The following MMP16 variants were observed in gnomAD, a reference collection of about 807,000 sequenced individuals.
MMP16 encodes the protein matrix metalloproteinase-16.
MMP16 carries 12 observed loss-of-function variants against 67.8 expected under a neutral mutation model. The observed-to-expected ratio is 0.18, with a 90% confidence interval of 0.11 to 0.29. The LOEUF is 0.29. MMP16 is among the 10% of genes least tolerant of loss of function. MMP16 has a pLI of 1.00. For synonymous variants in MMP16, 249 were observed against 255.9 expected (o/e 0.97, Z 0.26); for missense variants, 475 against 765.7 (o/e 0.62, Z 4.48).
At chr8:88,197,765 C>T (rs536655329) in intron 1 of MMP16, among the ~76,000 whole-genome samples, 19 of 152,284 alleles carry the variant, frequency 1.2e-4, no homozygotes, top group Admixed American at 9.8e-4. Flanking sequence ...GTGACTCCAG[C>T]TATGACGTGT....
chr8:88,246,665 C>A (rs922189821), intron 1 of MMP16, among the ~76,000 whole-genome samples: 4 of 152,052 alleles, frequency 2.6e-5, no homozygotes, highest in Non-Finnish European at 2.9e-5. Flanking sequence ...TCATGTACTC[C>A]AGACATTTTT....
chr8:88,227,619 CT>C (rs1163040678), intron 1 of MMP16, among the ~76,000 whole-genome samples: 2 of 152,022 alleles, frequency 1.3e-5, no homozygotes, highest in East Asian at 3.9e-4. Flanking sequence ...TGGCCAGCTC[CT>C]TTTTCAGGCA....
chr8:88,144,290 A>AT (rs1455648698), intron 4 of MMP16, among the ~76,000 whole-genome samples: 1 of 151,998 alleles, frequency 6.6e-6, no homozygotes, highest in Admixed American at 6.5e-5. Context: ...ACAAAATTAA[A>AT]TTTTTTAGGT....
At chr8:88,225,876 T>C (rs1809761328) in intron 1 of MMP16, among the ~76,000 whole-genome samples, 3 of 152,028 alleles carry the variant, frequency 2.0e-5, no homozygotes, top group Admixed American at 6.6e-5. Flanking sequence ...TCTTTCCATT[T>C]CTATTTCTTA....
chr8:88,056,635 T>C (rs191508530), intron 7 of MMP16, among the ~76,000 whole-genome samples: 4 of 152,266 alleles, frequency 2.6e-5, no homozygotes, highest in African/African-American at 7.2e-5. Flanking sequence ...TACGTCTTTT[T>C]CAAGGCTAAA....
At chr8:88,230,644 G>C (rs918875150) in intron 1 of MMP16, among the ~76,000 whole-genome samples, 4 of 151,470 alleles carry the variant, frequency 2.6e-5, no homozygotes, top group Admixed American at 1.3e-4. Context: ...TTATACAGTG[G>C]GTGGTAGAAA....
intron 1 of MMP16, among the ~76,000 whole-genome samples, chr8:88,289,987 T>A (rs150725581): frequency 6.6e-6 from 1 of 152,208 alleles, no homozygotes; most frequent in African/African-American, 2.4e-5. Context: ...GGCAGAACTC[T>A]CGCTTTATCT....
intron 1 of MMP16, among the ~76,000 whole-genome samples, chr8:88,224,910 C>T (rs898497338): frequency 2.6e-4 from 39 of 151,870 alleles, no homozygotes; most frequent in Non-Finnish European, 3.7e-4. Flanking sequence ...GTATTTTTTC[C>T]GGAATACCCA....
At chr8:88,151,207 A>G (rs1808400527) in intron 4 of MMP16, among the ~76,000 whole-genome samples, 1 of 117,310 alleles carries the variant, frequency 8.5e-6, no homozygotes, top group Non-Finnish European at 1.8e-5. Context: ...ACCCAGATTC[A>G]TAAAGCAAGT....
chr8:88,298,109 T>C (rs61229022), intron 1 of MMP16, among the ~76,000 whole-genome samples: 4,978 of 152,274 alleles, frequency 0.033, 252 homozygotes, highest in African/African-American at 0.1. Flanking sequence ...CTGTGCCTGT[T>C]CAAAGTGATT....
chr8:88,198,607 A>G (rs17666091), intron 1 of MMP16, among the ~76,000 whole-genome samples: 17,737 of 152,126 alleles, frequency 0.12, 1,403 homozygotes, highest in Non-Finnish European at 0.17. Flanking sequence ...TATTAAATGT[A>G]TCAAAGTCTT....
rs549995432 is a variant in MMP16, at chr8:88,105,870, G to A, written c.1083+10637C>T. Among the ~76,000 whole-genome samples, 5 of 150,694 alleles carry A rather than the reference G, an allele frequency of 3.3e-5. No homozygotes were observed. The South Asian group carries it at 1.0e-3, about 31-fold the overall frequency. On this transcript the variant is annotated intron_variant, in intron 6 of 9. Transcript: ENST00000286614. ...TAAATGTTCAGTGAAAAATAAAACT[G>A]CATGACAAAAAAGAATAAAATATTA...
intron 1 of MMP16, among the ~76,000 whole-genome samples, chr8:88,245,722 C>G (rs972215097): frequency 6.6e-6 from 1 of 151,982 alleles, no homozygotes; most frequent in Non-Finnish European, 1.5e-5. Flanking sequence ...TCAGCAGAAG[C>G]GGCATTCAAC....
intron 1 of MMP16, among the ~76,000 whole-genome samples, chr8:88,325,911 G>A (rs1450151807): frequency 5.9e-5 from 9 of 151,974 alleles, no homozygotes; most frequent in African/African-American, 2.2e-4. Flanking sequence ...CTTTACACAT[G>A]GCATTTATTA....
intron 1 of MMP16, among the ~76,000 whole-genome samples, chr8:88,322,672 TAAAAA>T (rs1288685657): frequency 6.8e-6 from 1 of 146,390 alleles, no homozygotes; most frequent in South Asian, 2.2e-4. Flanking sequence ...CAATGAAAAT[TAAAAA>T]AAAAAAAAGA....
At chr8:88,205,876 C>T (rs897029231) in intron 1 of MMP16, among the ~76,000 whole-genome samples, 11 of 152,164 alleles carry the variant, frequency 7.2e-5, no homozygotes, top group African/African-American at 2.7e-4. Context: ...ATACAGCATT[C>T]TTCACTTCTT....
At chr8:88,271,873 A>C (rs1270959171) in intron 1 of MMP16, among the ~76,000 whole-genome samples, 1 of 152,190 alleles carries the variant, frequency 6.6e-6, no homozygotes, top group Non-Finnish European at 1.5e-5. Flanking sequence ...CGCATGTAAA[A>C]TTTGTACTTA....
rs965283482 is a variant in MMP16, at chr8:88,058,450, A to T, written c.1223-2172T>A. On this transcript the variant is annotated intron_variant, in intron 7 of 9. Coordinates refer to ENST00000286614, the MANE Select transcript of MMP16 (RefSeq NM_005941.5). The surrounding 1 kb of genome is among the most constrained non-coding windows in gnomAD (Gnocchi z 4.2). Reference sequence around the variant, plus strand: ...TAGAGAAGTGAACCAGAAGGTCAACATCTCTATCTCATGAAGCTTAGATAT... The same window carrying T: ...TAGAGAAGTGAACCAGAAGGTCAACTTCTCTATCTCATGAAGCTTAGATAT... Among the ~76,000 whole-genome samples, 1 of 152,150 alleles carries T rather than the reference A, an allele frequency of 6.6e-6. No homozygotes were observed. The highest frequency in any genetic ancestry group is 1.5e-5 in the Non-Finnish European group (1 of 68,012).
chr8:88,080,528 C>T (rs575777594), intron 6 of MMP16, among the ~76,000 whole-genome samples: 5 of 152,198 alleles, frequency 3.3e-5, no homozygotes, highest in East Asian at 3.9e-4. Context: ...CTCCACCTCC[C>T]GGGTTCAAGC....
Sources: gnomAD v4.1 joint callset for allele counts (sites outside exome capture counted in the v4.1 genomes callset) on GRCh38, gnomAD v4.1.1 for gene constraint, Gnocchi (gnomAD v3.1) non-coding constraint, MANE v1.5 for transcripts, NCBI Gene and HGNC (gene_info 2026-07-23, HGNC 2026-07-21) for gene names.